The following NSMCE2 variants were observed in gnomAD, a reference collection of about 807,000 sequenced individuals.
NSMCE2 encodes E3 SUMO-protein ligase NSE2.
A neutral mutation model predicts 23.8 loss-of-function variants in NSMCE2; 24 were observed. The ratio of observed to expected loss-of-function variants is 1.01; its 90% CI spans 0.73 to 1.42. NSMCE2 has a LOEUF of 1.42. Among genes scored for constraint, NSMCE2 ranks in the 40% most tolerant of loss-of-function variants. The pLI, the probability that NSMCE2 is intolerant of heterozygous loss-of-function variation, is 0.00. For missense variants in NSMCE2, 284 were observed against 296.5 expected, an observed-to-expected ratio of 0.96 and a Z score of 0.31; for synonymous variants, 92 against 94.1, an observed-to-expected ratio of 0.98 and a Z score of 0.13.
At chr8:125,135,507 G>A (rs965754600) in intron 3 of NSMCE2, among the ~76,000 whole-genome samples, 2 of 152,020 alleles carry the variant, frequency 1.3e-5, no homozygotes, top group Admixed American at 6.6e-5. Context: ...TAGAAATTTT[G>A]TAGTTTTAGG....
At chr8:125,287,094 G>C (rs1414806439) in intron 5 of NSMCE2, among the ~76,000 whole-genome samples, 1 of 152,190 alleles carries the variant, frequency 6.6e-6, no homozygotes, top group Non-Finnish European at 1.5e-5. Flanking sequence ...CACTTTGGGA[G>C]GCTGAGGGGG....
chr8:125,326,724 G>A (rs186161034), intron 5 of NSMCE2, among the ~76,000 whole-genome samples: 2 of 152,208 alleles, frequency 1.3e-5, no homozygotes, highest in African/African-American at 2.4e-5. Context: ...GGGAGGCCGA[G>A]GCAGGTGGAT....
chr8:125,174,621 G>T (rs1025928411), intron 4 of NSMCE2, among the ~76,000 whole-genome samples: 2 of 152,150 alleles, frequency 1.3e-5, no homozygotes, highest in Non-Finnish European at 2.9e-5. Flanking sequence ...AATAAGACTG[G>T]TCTATTCAAA....
intron 5 of NSMCE2, among the ~76,000 whole-genome samples, chr8:125,216,765 G>C (rs1824606151): frequency 6.6e-6 from 1 of 152,076 alleles, no homozygotes; most frequent in Non-Finnish European, 1.5e-5. Flanking sequence ...CTTTGCCTCT[G>C]CTTAGGTTTT....
At chr8:125,274,527 C>T (rs955271341) in intron 5 of NSMCE2, among the ~76,000 whole-genome samples, 1 of 152,154 alleles carries the variant, frequency 6.6e-6, no homozygotes, top group African/African-American at 2.4e-5. Flanking sequence ...TGCATATGGT[C>T]CATAACATTT....
At chr8:125,220,520 T>C (rs1013728534) in intron 5 of NSMCE2, among the ~76,000 whole-genome samples, 2 of 152,142 alleles carry the variant, frequency 1.3e-5, no homozygotes, top group Non-Finnish European at 2.9e-5. Flanking sequence ...TGTAACTCTG[T>C]CAGAGAATTT....
chr8:125,261,024 A>C (rs529609064), intron 5 of NSMCE2, among the ~76,000 whole-genome samples: 2 of 152,316 alleles, frequency 1.3e-5, no homozygotes, highest in South Asian at 4.1e-4. Flanking sequence ...GCTGACAGAG[A>C]AAAGTATATA....
At chr8:125,260,924 A>C (rs1159401585) in intron 5 of NSMCE2, among the ~76,000 whole-genome samples, 1 of 152,070 alleles carries the variant, frequency 6.6e-6, no homozygotes, top group Non-Finnish European at 1.5e-5. Context: ...ATGCCTGGCC[A>C]AATTTCTTAA....
At chr8:125,177,448 T>C (rs1822553312) in intron 4 of NSMCE2, among the ~76,000 whole-genome samples, 1 of 152,210 alleles carries the variant, frequency 6.6e-6, no homozygotes, top group Admixed American at 6.5e-5. Flanking sequence ...TCCTTTGCCA[T>C]CAAACTATAT....
chr8:125,283,099 A>G (rs1827757083), intron 5 of NSMCE2, among the ~76,000 whole-genome samples: 1 of 152,240 alleles, frequency 6.6e-6, no homozygotes, highest in Non-Finnish European at 1.5e-5. Context: ...TGGAAAGAGT[A>G]ATAATATCTA....
chr8:125,313,184 GAGAAAGAAAGAGAGAGAGAA>G (rs1563777793), intron 5 of NSMCE2, among the ~76,000 whole-genome samples: 1 of 141,188 alleles, frequency 7.1e-6, no homozygotes, highest in East Asian at 2.0e-4. Context: ...AAGAAGGAAG[GAGAAAGAAAGAGAGAGAGAA>G]AGAAAGAAAG....
chr8:125,235,771 A>G (rs1213444053), intron 5 of NSMCE2, among the ~76,000 whole-genome samples: 1 of 152,228 alleles, frequency 6.6e-6, no homozygotes, highest in Non-Finnish European at 1.5e-5. Flanking sequence ...AGTCCTCAAG[A>G]GCAGGAATGG....
intron 4 of NSMCE2, among the ~76,000 whole-genome samples, chr8:125,167,111 C>G (rs553714004): frequency 6.6e-6 from 1 of 152,336 alleles, no homozygotes; most frequent in Admixed American, 6.5e-5. Context: ...AGACTTCTTT[C>G]ACTTTCACTG....
intron 5 of NSMCE2, among the ~76,000 whole-genome samples, chr8:125,193,326 T>C (rs535375115): frequency 1.3e-5 from 2 of 152,288 alleles, no homozygotes; most frequent in South Asian, 4.1e-4. Flanking sequence ...ACAAAGAATA[T>C]AGTATATCCA....
At chr8:125,232,059 T>A (rs1189953503) in intron 5 of NSMCE2, among the ~76,000 whole-genome samples, 1 of 152,166 alleles carries the variant, frequency 6.6e-6, no homozygotes, top group Non-Finnish European at 1.5e-5. Flanking sequence ...TCAGTTGAGA[T>A]GATGAACATG....
At chr8:125,318,023 C>T (rs1270520606) in intron 5 of NSMCE2, among the ~76,000 whole-genome samples, 1 of 152,060 alleles carries the variant, frequency 6.6e-6, no homozygotes, top group Non-Finnish European at 1.5e-5. Context: ...AATGACAAAC[C>T]AATATTCTAC....
intron 5 of NSMCE2, among the ~76,000 whole-genome samples, chr8:125,213,725 T>TTTCC (rs889475299): frequency 2.0e-5 from 3 of 146,612 alleles, no homozygotes; most frequent in South Asian, 2.2e-4. Flanking sequence ...TCCTTCCTTA[T>TTTCC]TTCCTTCCTT....
chr8:125,267,157 A>C (rs1826955366), intron 5 of NSMCE2, among the ~76,000 whole-genome samples: 1 of 151,600 alleles, frequency 6.6e-6, no homozygotes, highest in Non-Finnish European at 1.5e-5. Flanking sequence ...ATAGGCACGC[A>C]CTGCCACGCC....
At chr8:125,311,991 C>T (rs1174037626) in intron 5 of NSMCE2, among the ~76,000 whole-genome samples, 1 of 148,630 alleles carries the variant, frequency 6.7e-6, no homozygotes, top group Non-Finnish European at 1.5e-5. Context: ...TCACTTGAAC[C>T]TGGGAGGTGG....
Sources: allele counts gnomAD v4.1 joint callset (sites outside exome capture counted in the v4.1 genomes callset), GRCh38; gene constraint gnomAD v4.1.1; transcripts MANE v1.5; gene names NCBI Gene and HGNC (gene_info 2026-07-23, HGNC 2026-07-21).